GALNT8: variants seen among roughly 807,000 people sequenced by gnomAD.
GALNT8 encodes the protein probable polypeptide N-acetylgalactosaminyltransferase 8.
GALNT8 carries 66 observed loss-of-function variants against 62.7 expected under a neutral mutation model. That is an observed-to-expected ratio of 1.05 (90% CI 0.86 to 1.29). The LOEUF (loss-of-function observed/expected upper bound fraction) is 1.29. GALNT8 is among the 50% of genes most tolerant of loss of function. The pLI, the probability that GALNT8 is intolerant of heterozygous loss-of-function variation, is 0.00. For synonymous variants in GALNT8, 288 were observed against 294.3 expected, an observed-to-expected ratio of 0.98 and a Z score of 0.22; for missense variants, 771 against 791.8, an observed-to-expected ratio of 0.97 and a Z score of 0.32.
chr12:4,735,264 A>T (rs1946239314), intron 2 of GALNT8, among the ~76,000 whole-genome samples: 1 of 152,216 alleles, frequency 6.6e-6, no homozygotes, highest in Non-Finnish European at 1.5e-5. Flanking sequence ...CTAAGGAAAT[A>T]TGCAAATGGA....
At chr12:4,735,938 G>C (rs61907119) in intron 2 of GALNT8, among the ~76,000 whole-genome samples, 1 of 152,184 alleles carries the variant, frequency 6.6e-6, no homozygotes, top group East Asian at 1.9e-4. Context: ...CCAGCTCAAT[G>C]ATGTTGTCTG....
Position 4,772,682 on chromosome 12 carries a change from G to A in GALNT8, c.*85G>A, listed in dbSNP as rs539128934. On this transcript the variant is annotated 3_prime_UTR_variant, in exon 11 of 11. Coordinates refer to ENST00000252318, the MANE Select transcript of GALNT8 (RefSeq NM_017417.2). Reference sequence around the variant, plus strand: ...TAACACTCCCAGCTTCTTTCTCAATGAGAAAGAAAGCATGTGTATGTCTGT... The same window carrying A: ...TAACACTCCCAGCTTCTTTCTCAATAAGAAAGAAAGCATGTGTATGTCTGT... 432 of 1,076,074 alleles carry A rather than the reference G, an allele frequency of 4.0e-4. 1 individual carries two copies. In the African/African-American group the frequency reaches 5.2e-3, roughly 13 times the overall value. The allele number at this position is 1,076,074 out of a possible 1,614,324, so 66.7% of individuals were successfully genotyped here. A position where few individuals can be genotyped will look rare whatever the true frequency, so the allele number is the denominator to read the frequency against.
intron 6 of GALNT8, among the ~76,000 whole-genome samples, chr12:4,751,795 T>A (rs1946323324): frequency 1.3e-5 from 2 of 152,228 alleles, no homozygotes; most frequent in Non-Finnish European, 1.5e-5. Flanking sequence ...TTAAGTCTGA[T>A]GTTTCTTTGT....
At chr12:4,738,767 C>T (rs147333816) in intron 2 of GALNT8, among the ~76,000 whole-genome samples, 1 of 152,202 alleles carries the variant, frequency 6.6e-6, no homozygotes, top group East Asian at 1.9e-4. Flanking sequence ...TGCCACCTGT[C>T]TCTGGTGGTG....
intron 2 of GALNT8, among the ~76,000 whole-genome samples, chr12:4,729,796 ATC>A (rs1283866614): frequency 6.6e-6 from 1 of 152,124 alleles, no homozygotes; most frequent in Non-Finnish European, 1.5e-5. Flanking sequence ...TATTTGAGGA[ATC>A]TCTATACTGT....
intron 2 of GALNT8, among the ~76,000 whole-genome samples, chr12:4,729,665 C>T (rs1946212484): frequency 6.6e-6 from 1 of 152,032 alleles, no homozygotes; most frequent in African/African-American, 2.4e-5. Flanking sequence ...TAGTATTCCA[C>T]TATTATGAAT....
chr12:4,752,449 G>T (rs1479019748), intron 6 of GALNT8, among the ~76,000 whole-genome samples: 7 of 148,822 alleles, frequency 4.7e-5, no homozygotes, highest in African/African-American at 1.7e-4. Flanking sequence ...GGGTTTTCAT[G>T]AGGCTTGCAA....
chr12:4,726,802 G>A lies in GALNT8; in HGVS notation c.482G>A (p.Arg161His), dbSNP rs374608722. 8.1e-6 allele frequency: 13 copies of A among 1,613,628 alleles called. No individual in the cohort carries two copies. The highest frequency in any genetic ancestry group is 4.5e-5 in the East Asian group (2 of 44,832). ...CTCAGCAACCAGCTGCCTCTCAATC[G>A]CACCATCCCCGACACGCGAGACTAC... ...AYLSNQLPLN[R>H]TIPDTRDYRC... Residue 161 changes from arginine to histidine, a missense_variant, in exon 2 of 11, where the codon CGC becomes CAC. Physicochemically the swap from Arg to His is conservative, Grantham distance 29 (BLOSUM62 0). Transcript: ENST00000252318. The surrounding 1 kb of genome is among the most constrained non-coding windows in gnomAD (Gnocchi z 4.1).
rs1946292200 is a variant in GALNT8 at position 4,745,308 on chromosome 12, G to C, written c.861-121G>C. 8 of 692,050 alleles carry C rather than the reference G, an allele frequency of 1.2e-5. No homozygotes were observed. The South Asian group carries it at 1.3e-4, about 11-fold the overall frequency. The allele number at this position is 692,050 out of a possible 1,614,324, so 42.9% of individuals were successfully genotyped here. ...TCTAGAGAGTTCTACTCACAACCCAGTACAGCCTAAATGGAGGAGGTACTC... is the reference window on the plus strand; with the variant it reads ...TCTAGAGAGTTCTACTCACAACCCACTACAGCCTAAATGGAGGAGGTACTC... On this transcript the variant is annotated intron_variant, in intron 4 of 10. Coordinates refer to ENST00000252318, the MANE Select transcript of GALNT8 (RefSeq NM_017417.2).
At chr12:4,758,009 GTC>G (rs994556548) in intron 6 of GALNT8, among the ~76,000 whole-genome samples, 137 of 152,222 alleles carry the variant, frequency 9.0e-4, no homozygotes, top group African/African-American at 3.2e-3. Context: ...CCTAGGCTGA[GTC>G]TCTCTGTTTT....
chr12:4,728,795 T>A (rs1946207865), intron 2 of GALNT8, among the ~76,000 whole-genome samples: 1 of 152,200 alleles, frequency 6.6e-6, no homozygotes, highest in Admixed American at 6.5e-5. Flanking sequence ...AATGTGAATC[T>A]TCCAACTTTC....
chr12:4,746,738 C>T (rs1329420404), intron 6 of GALNT8, among the ~76,000 whole-genome samples: 2 of 152,100 alleles, frequency 1.3e-5, no homozygotes, highest in Non-Finnish European at 2.9e-5. Context: ...AGACAAATAG[C>T]CAGGTTTTTA....
chr12:4,772,640 G>A lies in GALNT8; in HGVS notation c.*43G>A, dbSNP rs1234134754. 1 of 1,478,884 alleles carries A rather than the reference G, an allele frequency of 6.8e-7. No homozygotes were observed. The highest frequency in any genetic ancestry group is 9.4e-7 in the Non-Finnish European group (1 of 1,060,122). 91.6% of individuals were successfully genotyped at this position (1,478,884 alleles called of 1,614,324 possible). A position where few individuals can be genotyped will look rare whatever the true frequency, so the allele number is the denominator to read the frequency against. ...ATCTGGGTCATCAATTCTTGCAAGT[G>A]GAATGGCTTCTACTCCTAACACTCC... On this transcript the variant is annotated 3_prime_UTR_variant, in exon 11 of 11. Coordinates refer to ENST00000252318, the MANE Select transcript of GALNT8 (RefSeq NM_017417.2).
intron 2 of GALNT8, among the ~76,000 whole-genome samples, chr12:4,735,829 GC>G (rs1020442002): frequency 9.2e-5 from 14 of 152,168 alleles, no homozygotes; most frequent in African/African-American, 3.1e-4. Context: ...CAGCTTCTGT[GC>G]AGTGGTGCAG....
chr12:4,744,747 T>C (rs1364786567), intron 4 of GALNT8, 47 bp downstream of exon 4: 1 of 1,324,154 alleles, frequency 7.6e-7, no homozygotes, highest in Admixed American at 1.8e-5. Flanking sequence ...AGAGAGGAGA[T>C]ATTGTGCATG....
At chr12:4,758,606 CTGTGTGTGTGTGTG>C (rs67025688) in intron 6 of GALNT8, among the ~76,000 whole-genome samples, 73 of 113,662 alleles carry the variant, frequency 6.4e-4, no homozygotes, top group African/African-American at 2.6e-3. Flanking sequence ...CTTAATGTCT[CTGTGTGTGTGTGTG>C]TGTGTGTGTG....
At chr12:4,722,750 A>G (rs1946176733) in intron 1 of GALNT8, among the ~76,000 whole-genome samples, 1 of 152,024 alleles carries the variant, frequency 6.6e-6, no homozygotes, top group African/African-American at 2.4e-5. Context: ...GGAGTTGGGG[A>G]AAGTGTCTTT....
At chr12:4,772,121 G>C (rs532648308) in intron 10 of GALNT8, among the ~76,000 whole-genome samples, 41 of 152,332 alleles carry the variant, frequency 2.7e-4, no homozygotes, top group Admixed American at 1.1e-3. Context: ...GGAGGGCCAA[G>C]TTGAGAAGGC....
chr12:4,755,685 C>A (rs11835748), intron 6 of GALNT8, among the ~76,000 whole-genome samples: 2,912 of 151,874 alleles, frequency 0.019, 69 homozygotes, highest in African/African-American at 0.067. Flanking sequence ...CACCACTTCT[C>A]CCAACCTGAA....
Sources: allele counts gnomAD v4.1 joint callset (sites outside exome capture counted in the v4.1 genomes callset), GRCh38; gene constraint gnomAD v4.1.1; non-coding constraint Gnocchi (gnomAD v3.1); transcripts MANE v1.5; gene names NCBI Gene and HGNC (gene_info 2026-07-23, HGNC 2026-07-21).